Variants in KIF26B observed in about 807,000 individuals in gnomAD.
KIF26B encodes kinesin-like protein KIF26B.
A neutral mutation model predicts 151.2 loss-of-function variants in KIF26B; 63 were observed. The ratio of observed to expected loss-of-function variants is 0.42; its 90% CI spans 0.34 to 0.51. KIF26B has a LOEUF of 0.51. KIF26B is among the 20% of genes least tolerant of loss of function. The pLI is 0.07. For missense variants in KIF26B, 2,813 were observed against 2,913.6 expected, an observed-to-expected ratio of 0.97 and a Z score of 0.79; for synonymous variants, 1,357 against 1,262.1, an observed-to-expected ratio of 1.08 and a Z score of -1.59.
chr1:245,663,652 G>T (rs927258585), intron 10 of KIF26B, among the ~76,000 whole-genome samples: 4 of 152,134 alleles, frequency 2.6e-5, no homozygotes, highest in African/African-American at 9.7e-5. Context: ...CTTCTACCAG[G>T]TGCCAGTTGA....
At chr1:245,670,531 A>T (rs1053245212) in intron 10 of KIF26B, among the ~76,000 whole-genome samples, 2 of 70,240 alleles carry the variant, frequency 2.8e-5, no homozygotes, top group Admixed American at 1.7e-4. Context: ...GTCTCATTTA[A>T]AAAAAAAAGA....
At chr1:245,672,380 C>T (rs925211867) in intron 10 of KIF26B, among the ~76,000 whole-genome samples, 1 of 152,152 alleles carries the variant, frequency 6.6e-6, no homozygotes, top group African/African-American at 2.4e-5. Context: ...GACAGACGTG[C>T]GCATGAAATC....
intron 4 of KIF26B, among the ~76,000 whole-genome samples, chr1:245,471,115 A>T (rs1659903025): frequency 7.0e-6 from 1 of 142,464 alleles, no homozygotes; most frequent in Non-Finnish European, 1.6e-5. Context: ...TTTTGATAGT[A>T]TGTGTGTGTG....
chr1:245,513,958 C>T (rs1046087843), intron 4 of KIF26B, among the ~76,000 whole-genome samples: 1 of 152,306 alleles, frequency 6.6e-6, no homozygotes, highest in Non-Finnish European at 1.5e-5. Flanking sequence ...GCCTGTGGCA[C>T]GCTGAAAGAA....
chr1:245,447,679 A>C (rs1462168025), intron 4 of KIF26B, among the ~76,000 whole-genome samples: 1 of 152,168 alleles, frequency 6.6e-6, no homozygotes, highest in Non-Finnish European at 1.5e-5. Context: ...CATGCCCACC[A>C]GTGTGCCATG....
At chr1:245,591,482 G>A (rs141191232) in intron 5 of KIF26B, among the ~76,000 whole-genome samples, 185 of 152,248 alleles carry the variant, frequency 1.2e-3, no homozygotes, top group African/African-American at 4.2e-3. Context: ...TTAAACACTC[G>A]TGCATGGACA....
chr1:245,418,407 G>T (rs1674472759), intron 3 of KIF26B, among the ~76,000 whole-genome samples: 1 of 152,256 alleles, frequency 6.6e-6, no homozygotes, highest in Non-Finnish European at 1.5e-5. Context: ...TTCCAAGTAA[G>T]AGCATGAATT....
intron 2 of KIF26B, among the ~76,000 whole-genome samples, chr1:245,299,718 C>T (rs947789007): frequency 2.6e-5 from 4 of 152,148 alleles, no homozygotes; most frequent in South Asian, 2.1e-4. Context: ...AGCTTATCTG[C>T]GGGGTCCACA....
chr1:245,497,160 A>C (rs1480925209), intron 4 of KIF26B, among the ~76,000 whole-genome samples: 1 of 152,012 alleles, frequency 6.6e-6, no homozygotes, highest in East Asian at 1.9e-4. Flanking sequence ...TCTCAAAAAA[A>C]AAAAAAAAGA....
intron 5 of KIF26B, among the ~76,000 whole-genome samples, chr1:245,576,173 A>AG (rs1412784911): frequency 8.5e-5 from 13 of 152,318 alleles, no homozygotes; most frequent in African/African-American, 3.1e-4. Context: ...TCACAAGCGC[A>AG]GGTGATCCTC....
chr1:245,188,183 G>C (rs898852711), intron 2 of KIF26B, among the ~76,000 whole-genome samples: 1 of 149,396 alleles, frequency 6.7e-6, no homozygotes, highest in Admixed American at 6.8e-5. Context: ...GGGAGGCTAA[G>C]GCAGGAGAAT....
chr1:245,515,810 G>A (rs1490459502), intron 4 of KIF26B, among the ~76,000 whole-genome samples: 1 of 152,196 alleles, frequency 6.6e-6, no homozygotes, highest in African/African-American at 2.4e-5. Context: ...CTGAAAGCCA[G>A]TGGCATGGGA....
At chr1:245,328,235 C>G (rs1206995036) in intron 2 of KIF26B, among the ~76,000 whole-genome samples, 1 of 139,770 alleles carries the variant, frequency 7.2e-6, no homozygotes, top group Non-Finnish European at 1.5e-5. Flanking sequence ...ATGGGGGAGT[C>G]ACTTATTTTG....
intron 2 of KIF26B, among the ~76,000 whole-genome samples, chr1:245,229,141 A>C (rs987554581): frequency 6.6e-6 from 1 of 151,792 alleles, no homozygotes; most frequent in Non-Finnish European, 1.5e-5. Context: ...TAATTTTTAA[A>C]AATTTTTTTT....
At position 245,374,880 on chromosome 1, in the gene KIF26B, C is replaced by G. The variant is rs147384023; in HGVS notation, c.999+7513C>G. Reference sequence around the variant, plus strand: ...TTATGAATATGGATGGGGCCGTGGTCTGAAGGGAACACCCAGACTTCACTA... The same window carrying G: ...TTATGAATATGGATGGGGCCGTGGTGTGAAGGGAACACCCAGACTTCACTA... On this transcript the variant is annotated intron_variant, in intron 3 of 14. Coordinates refer to ENST00000407071, the MANE Select transcript of KIF26B (RefSeq NM_018012.4). Among the ~76,000 whole-genome samples the G allele has an allele frequency of 8.7e-3, 1,321 of 152,178 alleles. 10 individuals carry two copies. Among genetic ancestry groups the G allele is most frequent in the Non-Finnish European group, 0.015 (1,035 of 68,006 alleles).
intron 2 of KIF26B, among the ~76,000 whole-genome samples, chr1:245,193,218 G>C (rs1669139479): frequency 6.6e-6 from 1 of 152,202 alleles, no homozygotes. Flanking sequence ...CAAAAGACAT[G>C]ATCTTGGCTG....
chr1:245,611,777 G>C lies in KIF26B; in HGVS notation c.1915-16G>C. Reference sequence around the variant, plus strand: ...TCCTCAGCCTGCAGCCTCATCTCTTGGCTTCTGTCTTCCAGCTGCAGAACC... The same window carrying C: ...TCCTCAGCCTGCAGCCTCATCTCTTCGCTTCTGTCTTCCAGCTGCAGAACC... On this transcript the variant is annotated splice_polypyrimidine_tract_variant and intron_variant, in intron 8 of 14. Transcript: ENST00000407071. 1 of 1,611,582 alleles carries C rather than the reference G, an allele frequency of 6.2e-7. No homozygotes were observed. The highest frequency in any genetic ancestry group is 1.7e-5 in the Admixed American group (1 of 59,840).
chr1:245,382,423 A>G (rs546774319), intron 3 of KIF26B, among the ~76,000 whole-genome samples: 1 of 152,308 alleles, frequency 6.6e-6, no homozygotes, highest in East Asian at 1.9e-4. Context: ...TGGGGATAGT[A>G]TCTATCCCCT....
At chr1:245,421,230 C>G (rs916172336) in intron 4 of KIF26B, among the ~76,000 whole-genome samples, 1 of 151,990 alleles carries the variant, frequency 6.6e-6, no homozygotes, top group Non-Finnish European at 1.5e-5. Context: ...CACAGAAGCT[C>G]CTAGGAGGTT....
Sources: gnomAD v4.1 joint callset for allele counts (sites outside exome capture counted in the v4.1 genomes callset) on GRCh38, gnomAD v4.1.1 for gene constraint, MANE v1.5 for transcripts, NCBI Gene and HGNC (gene_info 2026-07-23, HGNC 2026-07-21) for gene names.